SAMD12: variants seen among roughly 807,000 people sequenced by gnomAD.
The protein encoded by SAMD12 is sterile alpha motif domain containing 12, also known as sterile alpha motif domain-containing protein 12.
SAMD12 carries 9 observed loss-of-function variants against 15.0 expected under a neutral mutation model. That is an observed-to-expected ratio of 0.60 (90% CI 0.36 to 1.05). The LOEUF (loss-of-function observed/expected upper bound fraction) is 1.05. SAMD12 is among the 50% of genes least tolerant of loss of function. The probability of loss-of-function intolerance (pLI) is 0.01; values close to 1 mark genes in which losing one functional copy is unlikely to be tolerated. For missense variants in SAMD12, 230 were observed against 234.2 expected (o/e 0.98, Z 0.12); for synonymous variants, 86 against 90.1 (o/e 0.96, Z 0.25).
chr8:118,189,944 AG>A (rs201224139), exon 5 of SAMD12: 3 of 134,360 alleles, frequency 2.2e-5, no homozygotes, highest in African/African-American at 9.0e-5. Context: ...GGATGCACAG[AG>A]GAAAAAAAAA....
intron 3 of SAMD12, among the ~76,000 whole-genome samples, chr8:118,417,151 G>C (rs369970659): frequency 6.6e-5 from 10 of 152,014 alleles, no homozygotes; most frequent in Non-Finnish European, 1.5e-4. Flanking sequence ...TACAATGACA[G>C]CTCCCTGTAA....
rs1415455807 is a variant in SAMD12, at chr8:118,498,718, T to C, written c.193-58757A>G. 8.5e-5 allele frequency among the ~76,000 whole-genome samples: 13 copies of C among 152,298 alleles called. No individual in the cohort carries two copies. The East Asian group carries it at 2.3e-3, about 27-fold the overall frequency. ...TACAAAAAATGATATTGCCAAGATA[T>C]ATCTTGATGGAAAGAATACACAGAG... is the stretch of plus-strand genomic sequence containing the variant. On this transcript the variant is annotated intron_variant, in intron 2 of 3. Transcript: ENST00000314727.
chr8:118,329,561 G>A (rs141868312), intron 4 of SAMD12, among the ~76,000 whole-genome samples: 43 of 151,732 alleles, frequency 2.8e-4, no homozygotes, highest in African/African-American at 1.0e-3. Flanking sequence ...CTCCATCTAC[G>A]ATTATCACTA....
At chr8:118,479,498 C>T (rs149467817) in intron 2 of SAMD12, among the ~76,000 whole-genome samples, 2 of 152,128 alleles carry the variant, frequency 1.3e-5, no homozygotes, top group African/African-American at 2.4e-5. Context: ...TTCACTACCA[C>T]GAGAACAGTA....
chr8:118,355,536 A>G (rs775036006), intron 4 of SAMD12, among the ~76,000 whole-genome samples: 3 of 152,232 alleles, frequency 2.0e-5, no homozygotes, highest in Non-Finnish European at 4.4e-5. Flanking sequence ...ATTAAAAAAT[A>G]AGGAACTACT....
intron 2 of SAMD12, among the ~76,000 whole-genome samples, chr8:118,503,926 C>T (rs1265890263): frequency 6.6e-6 from 1 of 152,162 alleles, no homozygotes; most frequent in Non-Finnish European, 1.5e-5. Context: ...AGGGGTCATA[C>T]CTCAAACCTG....
intron 2 of SAMD12, among the ~76,000 whole-genome samples, chr8:118,548,292 C>T (rs1376723122): frequency 1.3e-5 from 2 of 151,942 alleles, no homozygotes; most frequent in African/African-American, 4.8e-5. Context: ...AAACAGGCTC[C>T]AGTGGGGTAA....
At chr8:118,466,792 G>C (rs991747520) in intron 2 of SAMD12, among the ~76,000 whole-genome samples, 15 of 84,350 alleles carry the variant, frequency 1.8e-4, no homozygotes, top group Non-Finnish European at 7.3e-5. Flanking sequence ...AGCAGTAATA[G>C]GGAGAGAGAG....
At chr8:118,314,640 G>C (rs1666547854) in intron 4 of SAMD12, among the ~76,000 whole-genome samples, 1 of 152,142 alleles carries the variant, frequency 6.6e-6, no homozygotes. Flanking sequence ...TAGAATCATA[G>C]AGTATATAAC....
chr8:118,188,233 G>A (rs994944204), downstream of SAMD12, among the ~76,000 whole-genome samples: 3 of 152,014 alleles, frequency 2.0e-5, no homozygotes, highest in African/African-American at 7.2e-5. Context: ...GACAGGAAGA[G>A]AAGAAATAGT....
At chr8:118,375,184 A>G (rs1448534481), downstream of SAMD12, among the ~76,000 whole-genome samples, 1 of 152,114 alleles carries the variant, frequency 6.6e-6, no homozygotes. Flanking sequence ...ATAAAATCTC[A>G]TTTAACAACC....
intron 2 of SAMD12, among the ~76,000 whole-genome samples, chr8:118,526,299 A>T (rs111412815): frequency 2.0e-5 from 3 of 152,226 alleles, no homozygotes; most frequent in African/African-American, 7.2e-5. Flanking sequence ...GAGCTCCTTA[A>T]CCTCAACCAT....
At chr8:118,495,085 C>T (rs2131024500) in intron 2 of SAMD12, among the ~76,000 whole-genome samples, 1 of 152,262 alleles carries the variant, frequency 6.6e-6, no homozygotes, top group East Asian at 1.9e-4. Context: ...AAGTGTGTGA[C>T]ATACAGTAAG....
At chr8:118,214,129 T>A (rs10955865) in intron 4 of SAMD12, among the ~76,000 whole-genome samples, 79,415 of 152,034 alleles carry the variant, frequency 0.52, 22,052 homozygotes, top group Middle Eastern at 0.63. Context: ...GAAACAAGCA[T>A]GAATCACTGT....
At chr8:118,405,471 G>A (rs866412846) in intron 3 of SAMD12, among the ~76,000 whole-genome samples, 8 of 152,304 alleles carry the variant, frequency 5.3e-5, no homozygotes, top group Middle Eastern at 3.4e-3. Context: ...AAGCAAAAGC[G>A]ATCTACAGTG....
chr8:118,528,193 AT>A (rs1825582955), intron 2 of SAMD12, among the ~76,000 whole-genome samples: 1 of 152,108 alleles, frequency 6.6e-6, no homozygotes, highest in African/African-American at 2.4e-5. Flanking sequence ...TAATCAGCTA[AT>A]TTTTTATTTT....
chr8:118,309,382 G>GTGTGTA (rs1480878182), intron 4 of SAMD12, among the ~76,000 whole-genome samples: 281 of 144,166 alleles, frequency 1.9e-3, no homozygotes, highest in African/African-American at 7.3e-3. Context: ...AGATATATAT[G>GTGTGTA]TGTGTGTGTG....
chr8:118,158,617 C>T, the SAMD12 span, among the ~76,000 whole-genome samples: 2 of 152,226 alleles, frequency 1.3e-5, no homozygotes, highest in African/African-American at 2.4e-5. Flanking sequence ...AGCCCACCTT[C>T]AAGCCAGGGA....
intron 1 of SAMD12, among the ~76,000 whole-genome samples, chr8:118,583,540 A>G (rs1043091799): frequency 6.6e-5 from 10 of 152,028 alleles, no homozygotes; most frequent in African/African-American, 2.4e-4. Context: ...TGACCTAGGA[A>G]TACCACTGAA....
Sources: allele counts gnomAD v4.1 joint callset (sites outside exome capture counted in the v4.1 genomes callset), GRCh38; gene constraint gnomAD v4.1.1; transcripts MANE v1.5; gene names NCBI Gene and HGNC (gene_info 2026-07-23, HGNC 2026-07-21).